GRID1: variants seen among roughly 807,000 people sequenced by gnomAD.
GRID1 encodes the protein glutamate ionotropic receptor delta type subunit 1, also known as glutamate receptor ionotropic, delta-1.
A neutral mutation model predicts 98.0 loss-of-function variants in GRID1; 28 were observed. The ratio of observed to expected loss-of-function variants is 0.29; its 90% CI spans 0.21 to 0.39. GRID1 has a LOEUF of 0.39. Ranked by LOEUF, GRID1 falls within the 10% of genes least tolerant of loss-of-function variation. The pLI is 1.00. For missense variants in GRID1, 1,111 were observed against 1,340.5 expected, an observed-to-expected ratio of 0.83 and a Z score of 2.67; for synonymous variants, 553 against 538.5, an observed-to-expected ratio of 1.03 and a Z score of -0.37.
At chr10:86,073,283 A>C (rs539996374) in intron 4 of GRID1, among the ~76,000 whole-genome samples, 1 of 152,314 alleles carries the variant, frequency 6.6e-6, no homozygotes, top group South Asian at 2.1e-4. Flanking sequence ...GGACCAATTT[A>C]TTCAGCACAA....
intron 8 of GRID1, among the ~76,000 whole-genome samples, chr10:85,814,671 A>G (rs1842701066): frequency 6.6e-6 from 1 of 151,986 alleles, no homozygotes; most frequent in African/African-American, 2.4e-5. Context: ...TCTATAAATT[A>G]AACAACTTTG....
At chr10:86,061,796 CTA>C (rs931990973) in intron 4 of GRID1, among the ~76,000 whole-genome samples, 1 of 152,212 alleles carries the variant, frequency 6.6e-6, no homozygotes, top group African/African-American at 2.4e-5. Flanking sequence ...ATTCACCTCT[CTA>C]TGTCACGAGC....
intron 8 of GRID1, among the ~76,000 whole-genome samples, chr10:85,845,285 A>C (rs1441956086): frequency 6.6e-6 from 1 of 152,162 alleles, no homozygotes; most frequent in Admixed American, 6.5e-5. Context: ...AGTAACAAGT[A>C]GAAAAATCAA....
At chr10:86,020,764 C>A (rs1843037962) in intron 4 of GRID1, among the ~76,000 whole-genome samples, 1 of 152,192 alleles carries the variant, frequency 6.6e-6, no homozygotes, top group Non-Finnish European at 1.5e-5. Context: ...AGGATAAGGC[C>A]TCCCTGGGGA....
At chr10:85,651,541 C>T (rs1293456744) in intron 12 of GRID1, among the ~76,000 whole-genome samples, 1 of 152,186 alleles carries the variant, frequency 6.6e-6, no homozygotes, top group Non-Finnish European at 1.5e-5. Context: ...TTTAGGCACT[C>T]AGGATACCTA....
intron 12 of GRID1, among the ~76,000 whole-genome samples, chr10:85,686,971 A>G (rs1841276443): frequency 6.6e-6 from 1 of 152,118 alleles, no homozygotes; most frequent in Admixed American, 6.6e-5. Context: ...TTGTAACATA[A>G]ATATAACACC....
chr10:85,899,624 C>T (rs1841350325), intron 5 of GRID1, among the ~76,000 whole-genome samples: 1 of 152,150 alleles, frequency 6.6e-6, no homozygotes, highest in Admixed American at 6.5e-5. Flanking sequence ...GCATCCAAAG[C>T]AGGGCCTGGC....
chr10:86,284,303 C>T (rs567194480), intron 2 of GRID1, among the ~76,000 whole-genome samples: 1 of 152,104 alleles, frequency 6.6e-6, no homozygotes, highest in Non-Finnish European at 1.5e-5. Context: ...TTCACCCCTA[C>T]ACACACACAG....
chr10:85,747,054 G>A (rs1842004005), intron 8 of GRID1, among the ~76,000 whole-genome samples: 2 of 152,046 alleles, frequency 1.3e-5, no homozygotes, highest in Admixed American at 1.3e-4. Flanking sequence ...TCTCATTTGA[G>A]TGTCACCAAC....
At chr10:86,224,766 C>G (rs1316958581) in intron 2 of GRID1, among the ~76,000 whole-genome samples, 4 of 152,228 alleles carry the variant, frequency 2.6e-5, no homozygotes, top group African/African-American at 9.7e-5. Flanking sequence ...ACACCAACCA[C>G]CAAGCCCATG....
intron 4 of GRID1, among the ~76,000 whole-genome samples, chr10:86,089,469 G>GT (rs1330871645): frequency 3.9e-5 from 6 of 152,180 alleles, no homozygotes; most frequent in Admixed American, 6.5e-5. Flanking sequence ...AACAGAAGGC[G>GT]TAAGGAAGAC....
chr10:85,776,688 C>A (rs778106586), intron 8 of GRID1, among the ~76,000 whole-genome samples: 3 of 152,232 alleles, frequency 2.0e-5, no homozygotes, highest in African/African-American at 4.8e-5. Context: ...TGTCAACAAG[C>A]AAATGCTACC....
intron 2 of GRID1, among the ~76,000 whole-genome samples, chr10:86,274,572 C>G (rs1450385870): frequency 6.6e-6 from 1 of 152,046 alleles, no homozygotes; most frequent in African/African-American, 2.4e-5. Flanking sequence ...TTCTTTGTAT[C>G]CTCTTTTATT....
intron 4 of GRID1, among the ~76,000 whole-genome samples, chr10:86,087,537 T>C (rs1564671123): frequency 1.3e-5 from 2 of 151,636 alleles, no homozygotes; most frequent in African/African-American, 2.4e-5. Flanking sequence ...TGTGTGTGTG[T>C]TTTCTGCCTC....
At chr10:86,070,233 G>T (rs983998309) in intron 4 of GRID1, among the ~76,000 whole-genome samples, 1 of 152,188 alleles carries the variant, frequency 6.6e-6, no homozygotes. Flanking sequence ...AACCAGAGGA[G>T]TAACAGCCAT....
intron 4 of GRID1, among the ~76,000 whole-genome samples, chr10:86,028,174 A>T (rs1843140218): frequency 6.6e-6 from 1 of 152,188 alleles, no homozygotes; most frequent in Non-Finnish European, 1.5e-5. Context: ...TCCTTGACAA[A>T]TAATTATGAG....
chr10:85,939,490 C>G (rs1042147737), intron 4 of GRID1, among the ~76,000 whole-genome samples: 12 of 152,072 alleles, frequency 7.9e-5, no homozygotes, highest in Admixed American at 3.9e-4. Context: ...GCTTCTTTGC[C>G]CTTTCCAACT....
chr10:86,131,285 C>A (rs1051201530), intron 4 of GRID1, among the ~76,000 whole-genome samples: 1 of 152,144 alleles, frequency 6.6e-6, no homozygotes, highest in Non-Finnish European at 1.5e-5. Context: ...GCGAGGCCCC[C>A]CCAAGGCTGA....
At chr10:85,872,400 T>C (rs764814050) in intron 5 of GRID1, among the ~76,000 whole-genome samples, 5 of 152,160 alleles carry the variant, frequency 3.3e-5, no homozygotes, top group Non-Finnish European at 5.9e-5. Context: ...ACTGTAGGAA[T>C]AACAGGCCAT....
Sources: gnomAD v4.1 joint callset for allele counts (sites outside exome capture counted in the v4.1 genomes callset) on GRCh38, gnomAD v4.1.1 for gene constraint, MANE v1.5 for transcripts, NCBI Gene and HGNC (gene_info 2026-07-23, HGNC 2026-07-21) for gene names.